The following PEX5L variants were observed in gnomAD, a reference collection of about 807,000 sequenced individuals.
PEX5L encodes the protein peroxisomal biogenesis factor 5 like, also known as PEX5-related protein.
Under a neutral mutation model 84.0 loss-of-function variants are expected in PEX5L, and 30 were observed. The observed-to-expected ratio is 0.36, with a 90% CI of 0.27 to 0.48. The LOEUF is 0.48. PEX5L is among the 20% of genes least tolerant of loss of function. The probability of loss-of-function intolerance (pLI) is 0.99; values close to 1 mark genes in which losing one functional copy is unlikely to be tolerated. For missense variants in PEX5L, 533 were observed against 754.6 expected, an observed-to-expected ratio of 0.71 and a Z score of 3.44; for synonymous variants, 270 against 283.1, an observed-to-expected ratio of 0.95 and a Z score of 0.46.
rs1458228132 is a variant in PEX5L, at chr3:179,795,926, G to A, written c.*5902C>T. ...TTTGGGCAATGTAAATTGAAAGTTT[G>A]GGTTAGATGATATATAGGGAACATG... On this transcript the variant is annotated 3_prime_UTR_variant, in exon 15 of 15. Transcript: ENST00000467460. 3 of 151,964 alleles carry A rather than the reference G, an allele frequency of 2.0e-5. No individual in the cohort carries two copies. The highest frequency in any genetic ancestry group is 4.4e-5 in the Non-Finnish European group (3 of 67,976). 9.4% of individuals were successfully genotyped at this position (151,964 alleles called of 1,614,324 possible).
At chr3:179,894,457 T>C (rs1052511853) in intron 3 of PEX5L, among the ~76,000 whole-genome samples, 4 of 152,078 alleles carry the variant, frequency 2.6e-5, no homozygotes, top group African/African-American at 9.7e-5. Context: ...TTGATCTAAA[T>C]CTCAACCAGC....
chr3:179,903,000 T>TA (rs1465452832), intron 2 of PEX5L, among the ~76,000 whole-genome samples: 1 of 152,048 alleles, frequency 6.6e-6, no homozygotes, highest in Non-Finnish European at 1.5e-5. Context: ...CAAAAATTGA[T>TA]AAAAAACAGA....
chr3:179,875,185 C>CT (rs1751925419), intron 6 of PEX5L, among the ~76,000 whole-genome samples, 169 bp downstream of exon 6: 1 of 151,864 alleles, frequency 6.6e-6, no homozygotes, highest in Non-Finnish European at 1.5e-5. Context: ...TGATTTTTGA[C>CT]AGTTGAAATG....
At chr3:179,907,472 T>C (rs539133393) in intron 2 of PEX5L, among the ~76,000 whole-genome samples, 4 of 152,044 alleles carry the variant, frequency 2.6e-5, no homozygotes, top group Non-Finnish European at 5.9e-5. Context: ...ACCACCGTGT[T>C]TGGCTAATTT....
intron 8 of PEX5L, among the ~76,000 whole-genome samples, chr3:179,851,874 T>C (rs751353791): frequency 3.9e-5 from 6 of 152,164 alleles, no homozygotes; most frequent in African/African-American, 9.7e-5. Flanking sequence ...ACCAGCTAGA[T>C]AGTAGGGGAA....
Position 179,809,671 on chromosome 3 carries a change from GAA to G in PEX5L, c.1155-5_1155-4del. On this transcript the variant is annotated splice_region_variant and splice_polypyrimidine_tract_variant and intron_variant, in intron 11 of 14. Coordinates refer to ENST00000467460, the MANE Select transcript of PEX5L (RefSeq NM_016559.3). ...TGTTGGGCTGTAATTCTAAGCACCT[GAA>G]AAAAAAAAAGAAGCCAATTTCAGAT... The G allele has an allele frequency of 6.5e-6, 9 of 1,391,156 alleles. No individual in the cohort carries two copies. Among genetic ancestry groups the G allele is most frequent in the Non-Finnish European group, 6.8e-6 (7 of 1,031,260 alleles). The allele number at this position is 1,391,156 out of a possible 1,614,324, so 86.2% of individuals were successfully genotyped here.
chr3:179,832,429 C>A (rs1733418945), intron 8 of PEX5L, among the ~76,000 whole-genome samples: 1 of 150,756 alleles, frequency 6.6e-6, no homozygotes, highest in Non-Finnish European at 1.5e-5. Context: ...CCTGCCTACC[C>A]ACTAACCTTC....
chr3:180,029,753 A>T (rs2108357343), intron 1 of PEX5L, among the ~76,000 whole-genome samples: 1 of 152,320 alleles, frequency 6.6e-6, no homozygotes, highest in East Asian at 1.9e-4. Flanking sequence ...CTTCAAAAAA[A>T]TCAGTTCCTG....
chr3:179,807,331 G>C (rs1346068546), intron 14 of PEX5L, among the ~76,000 whole-genome samples: 1 of 152,170 alleles, frequency 6.6e-6, no homozygotes, highest in Admixed American at 6.5e-5. Flanking sequence ...ATGAAAGATT[G>C]ACGGGTACTA....
intron 1 of PEX5L, among the ~76,000 whole-genome samples, chr3:180,007,969 G>T (rs1034551946): frequency 6.6e-6 from 1 of 152,210 alleles, no homozygotes; most frequent in African/African-American, 2.4e-5. Context: ...TGGTCTTGGG[G>T]ATTAACATTA....
chr3:179,824,995 T>G (rs1032671686), intron 8 of PEX5L, among the ~76,000 whole-genome samples: 1 of 152,238 alleles, frequency 6.6e-6, no homozygotes, highest in Non-Finnish European at 1.5e-5. Context: ...ACATCACAGA[T>G]GTGCAGTGTT....
intron 11 of PEX5L, among the ~76,000 whole-genome samples, chr3:179,810,137 C>T (rs560597281): frequency 4.1e-5 from 6 of 147,600 alleles, no homozygotes; most frequent in South Asian, 2.2e-4. Flanking sequence ...CCTCAGCGTC[C>T]GAATAGCTGG....
chr3:179,824,315 T>G (rs1312719904), intron 8 of PEX5L, among the ~76,000 whole-genome samples: 1 of 152,218 alleles, frequency 6.6e-6, no homozygotes, highest in African/African-American at 2.4e-5. Flanking sequence ...GATTTCTTTT[T>G]GCCTCTTTAG....
chr3:179,915,505 C>T (rs957088558), intron 2 of PEX5L, among the ~76,000 whole-genome samples: 1 of 152,182 alleles, frequency 6.6e-6, no homozygotes, highest in Non-Finnish European at 1.5e-5. Context: ...GAGAGATGTG[C>T]AGAAAAGTCA....
intron 2 of PEX5L, among the ~76,000 whole-genome samples, chr3:179,935,122 G>A (rs1009163164): frequency 2.0e-5 from 3 of 149,474 alleles, no homozygotes; most frequent in Admixed American, 1.3e-4. Flanking sequence ...AGACTTACTC[G>A]AGTCCTGACT....
At chr3:179,902,024 G>C (rs764480501) in intron 2 of PEX5L, 2 of 152,446 alleles carry the variant, frequency 1.3e-5, no homozygotes, top group African/African-American at 2.4e-5. Context: ...GAGAAAGGTT[G>C]GATCTGTTTC....
In PEX5L at chr3:179,955,651, A is replaced by G. The variant is rs965716031; in HGVS notation, c.93+15943T>C. On this transcript the variant is annotated intron_variant, in intron 2 of 14. Coordinates refer to ENST00000467460, the MANE Select transcript of PEX5L (RefSeq NM_016559.3). ...TGATTTTTGCTGTTCTAGGAAAAAT[A>G]TTGTGTTCATTTCAGAAAAATAGAA... 4.3e-4 allele frequency among the ~76,000 whole-genome samples: 66 copies of G among 152,062 alleles called. 1 individual carries two copies. The highest frequency in any genetic ancestry group is 1.5e-3 in the African/African-American group (63 of 41,420).
intron 8 of PEX5L, among the ~76,000 whole-genome samples, chr3:179,837,778 A>C (rs921220850): frequency 1.3e-5 from 2 of 152,224 alleles, no homozygotes; most frequent in Admixed American, 6.5e-5. Flanking sequence ...GCACACGGAT[A>C]AATACGTTGG....
chr3:179,874,459 T>G, intron 6 of PEX5L, 36 bp from the exon 7 acceptor site: 1 of 1,035,308 alleles, frequency 9.7e-7, no homozygotes, highest in Non-Finnish European at 1.5e-6. Context: ...AAACGTACAC[T>G]AGAAACAAAT....
Sources: allele counts gnomAD v4.1 joint callset (sites outside exome capture counted in the v4.1 genomes callset), GRCh38; gene constraint gnomAD v4.1.1; transcripts MANE v1.5; gene names NCBI Gene and HGNC (gene_info 2026-07-23, HGNC 2026-07-21).